SLC8A2: variants seen among roughly 807,000 people sequenced by gnomAD.
SLC8A2 encodes the protein solute carrier family 8 member A2.
SLC8A2 carries 14 observed loss-of-function variants against 70.2 expected under a neutral mutation model. That is an observed-to-expected ratio of 0.20 (90% CI 0.13 to 0.31). SLC8A2 has a LOEUF of 0.31. SLC8A2 is among the 10% of genes least tolerant of loss of function. The pLI is 1.00. For missense variants in SLC8A2, 779 were observed against 1,320.1 expected, an observed-to-expected ratio of 0.59 and a Z score of 6.35; for synonymous variants, 575 against 594.3, an observed-to-expected ratio of 0.97 and a Z score of 0.47.
At position 47,466,461 on chromosome 19, in the gene SLC8A2, CTCTT is replaced by C; in HGVS notation, c.-16-46_-16-43del. ...GGAGGTCTGGGTGAGGGAAGCAAACCTCTTTCTGTCATACAAAGGTCAAAGCTCA... is the reference window on the plus strand; with the variant it reads ...GGAGGTCTGGGTGAGGGAAGCAAACCTCTGTCATACAAAGGTCAAAGCTCA... On this transcript the variant is annotated intron_variant, in intron 1 of 9. Coordinates refer to ENST00000236877, the MANE Select transcript of SLC8A2 (RefSeq NM_015063.3). This position sits in a 1 kb window ranked among gnomAD's most constrained non-coding sequence, Gnocchi z 6.9. The C allele has an allele frequency of 1.5e-6, 1 of 679,486 alleles. No individual in the cohort carries two copies. The highest frequency in any genetic ancestry group is 2.7e-5 in the East Asian group (1 of 36,380). 42.1% of individuals were successfully genotyped at this position (679,486 alleles called of 1,614,324 possible).
rs114764149 is a variant in SLC8A2 at position 47,448,708 on chromosome 19, T to C, written c.1341-477A>G. Among the ~76,000 whole-genome samples, 133 of 152,120 alleles carry C rather than the reference T, an allele frequency of 8.7e-4. No homozygotes were observed. Among genetic ancestry groups the C allele is most frequent in the African/African-American group, 3.2e-3 (131 of 41,466 alleles). On this transcript the variant is annotated intron_variant, in intron 3 of 9. Coordinates refer to ENST00000236877, the MANE Select transcript of SLC8A2 (RefSeq NM_015063.3). The surrounding 1 kb of genome is among the most constrained non-coding windows in gnomAD (Gnocchi z 4.8). Reference sequence around the variant, plus strand: ...AGATTCTGGTTTAGAAGCTCCCGGGTTTCTAGAATCGCATTTCTAACGAGC... The same window carrying C: ...AGATTCTGGTTTAGAAGCTCCCGGGCTTCTAGAATCGCATTTCTAACGAGC...
chr19:47,442,282 C>T (rs1457806334), intron 4 of SLC8A2, among the ~76,000 whole-genome samples: 2 of 152,154 alleles, frequency 1.3e-5, no homozygotes, highest in Admixed American at 1.3e-4. Flanking sequence ...CCTCACCGCC[C>T]ACAGTCTGTT....
intron 8 of SLC8A2, among the ~76,000 whole-genome samples, chr19:47,434,565 G>A (rs190729676): frequency 2.6e-5 from 4 of 152,314 alleles, no homozygotes; most frequent in Admixed American, 2.0e-4. Context: ...CACCTCCAGC[G>A]TTATTACTGT....
At chr19:47,453,569 G>A (rs914169464) in intron 3 of SLC8A2, among the ~76,000 whole-genome samples, 3 of 152,198 alleles carry the variant, frequency 2.0e-5, no homozygotes, top group African/African-American at 7.2e-5. Flanking sequence ...TAGCCCTTTG[G>A]TTCCAGCACT....
chr19:47,457,739 C>T (rs12978188), intron 2 of SLC8A2, 145 bp from the exon 3 acceptor site: 1 of 421,922 alleles, frequency 2.4e-6, no homozygotes, highest in Non-Finnish European at 4.1e-6. Flanking sequence ...CTATCCCTTT[C>T]TGTTTCTTTT....
In SLC8A2 at chr19:47,432,126, C is replaced by T. The variant is rs1599843089; in HGVS notation, c.2389+41G>A. 2.6e-6 allele frequency: 4 copies of T among 1,548,640 alleles called. No homozygotes were observed. The African/African-American group carries it at 5.4e-5, about 21-fold the overall frequency. On this transcript the variant is annotated intron_variant, in intron 9 of 9. Transcript: ENST00000236877. The surrounding 1 kb of genome is among the most constrained non-coding windows in gnomAD (Gnocchi z 6.2). ...GATCCTGTGTTGCCCCTGCCTGGCT[C>T]ATCTGAGATCCTACCCCACCAAAGT...
At position 47,465,436 on chromosome 19, in the gene SLC8A2, A is replaced by G. The variant is rs552018549; in HGVS notation, c.675+293T>C. On this transcript the variant is annotated intron_variant, in intron 2 of 9. Coordinates refer to ENST00000236877, the MANE Select transcript of SLC8A2 (RefSeq NM_015063.3). The surrounding 1 kb of genome is among the most constrained non-coding windows in gnomAD (Gnocchi z 5.5). Reference sequence around the variant, plus strand: ...AAAGGTGCCCCTTCCAAGTGAGTGTACTGTTCTTAAGTGCAAAACAGTGCG... The same window carrying G: ...AAAGGTGCCCCTTCCAAGTGAGTGTGCTGTTCTTAAGTGCAAAACAGTGCG... Among the ~76,000 whole-genome samples, 2 of 152,358 alleles carry G rather than the reference A, an allele frequency of 1.3e-5. No individual in the cohort carries two copies. The highest frequency in any genetic ancestry group is 4.8e-5 in the African/African-American group (2 of 41,586).
In SLC8A2 at chr19:47,430,474, C is replaced by A; in HGVS notation, c.2390-9G>T. Reference sequence around the variant, plus strand: ...CTTGCTGGCGAACGTGTCTGCGAGGCAGAGACATACAGGTCGGAGGGGCTT... The same window carrying A: ...CTTGCTGGCGAACGTGTCTGCGAGGAAGAGACATACAGGTCGGAGGGGCTT... On this transcript the variant is annotated splice_polypyrimidine_tract_variant and intron_variant, in intron 9 of 9. Transcript: ENST00000236877. The surrounding 1 kb of genome is among the most constrained non-coding windows in gnomAD (Gnocchi z 5.9). 1.3e-6 allele frequency: 2 copies of A among 1,588,122 alleles called. No homozygotes were observed. Among genetic ancestry groups the A allele is most frequent in the East Asian group, 2.3e-5 (1 of 44,372 alleles).
rs1472679388 is a variant in SLC8A2 at position 47,447,792 on chromosome 19, G to A, written c.1763+17C>T. The A allele has an allele frequency of 2.5e-6, 4 of 1,570,250 alleles. No homozygotes were observed. Among genetic ancestry groups the A allele is most frequent in the Admixed American group, 1.8e-5 (1 of 55,392 alleles). On this transcript the variant is annotated intron_variant, in intron 4 of 9. Coordinates refer to ENST00000236877, the MANE Select transcript of SLC8A2 (RefSeq NM_015063.3). The surrounding 1 kb of genome is among the most constrained non-coding windows in gnomAD (Gnocchi z 5.1). ...CCGAAGCCCCGCCCCTCTCCGGGCC[G>A]CCTCGGGCGTGCTCACATGGTCTCG...
At chr19:47,451,458 G>A (rs574076460) in intron 3 of SLC8A2, among the ~76,000 whole-genome samples, 1 of 152,056 alleles carries the variant, frequency 6.6e-6, no homozygotes, top group Admixed American at 6.5e-5. Flanking sequence ...ACAGGCTCGT[G>A]CCACCACATC....
intron 1 of SLC8A2, among the ~76,000 whole-genome samples, chr19:47,469,656 C>T (rs1398834944): frequency 6.6e-6 from 1 of 152,196 alleles, no homozygotes; most frequent in Non-Finnish European, 1.5e-5. Flanking sequence ...AAATGAATGA[C>T]CAAGAGGTCT....
Position 47,432,429 on chromosome 19 carries a change from C to A in SLC8A2, c.2127G>T (p.Glu709Asp). Residue 709 changes from glutamate to aspartate, a missense_variant, in exon 9 of 10, where the codon GAG becomes GAT. Around this residue, in one of 6 missense-constraint regions of SLC8A2, gnomAD observed 247 missense variants for 362.8 expected, o/e 0.68. Coordinates refer to ENST00000236877, the MANE Select transcript of SLC8A2 (RefSeq NM_015063.3). This position sits in a 1 kb window ranked among gnomAD's most constrained non-coding sequence, Gnocchi z 6.2. ...ITVSAGDEEE[E>D]EDGSREERLP... is the part of the protein sequence containing the mutation. ...GCCGCTCCTCCCGGGACCCGTCCTCCTCCTCCTCCTCGTCCCCTGTGGGCA... is the reference window on the plus strand; with the variant it reads ...GCCGCTCCTCCCGGGACCCGTCCTCATCCTCCTCCTCGTCCCCTGTGGGCA... 6.3e-7 allele frequency: 1 copy of A among 1,597,576 alleles called. No individual in the cohort carries two copies. The highest frequency in any genetic ancestry group is 8.5e-7 in the Non-Finnish European group (1 of 1,171,232).
chr19:47,430,070 CG>C lies in SLC8A2; in HGVS notation c.*18del, dbSNP rs1343269024. 1.3e-6 allele frequency: 2 copies of C among 1,567,308 alleles called. No homozygotes were observed. The highest frequency in any genetic ancestry group is 1.4e-5 in the African/African-American group (1 of 73,748). On this transcript the variant is annotated 3_prime_UTR_variant, in exon 10 of 10. Coordinates refer to ENST00000236877, the MANE Select transcript of SLC8A2 (RefSeq NM_015063.3). The surrounding 1 kb of genome is among the most constrained non-coding windows in gnomAD (Gnocchi z 5.9). ...CCTAGCCCCGGGCGGGCGGTGGGGA[CG>C]AGTCTCTGCGCGAGGCCCTAGAAGC...
chr19:47,447,768 C>A lies in SLC8A2; in HGVS notation c.1763+41G>T. 6.5e-7 allele frequency: 1 copy of A among 1,529,118 alleles called. No individual in the cohort carries two copies. Among genetic ancestry groups the A allele is most frequent in the East Asian group, 2.5e-5 (1 of 40,330 alleles). 94.7% of individuals were successfully genotyped at this position (1,529,118 alleles called of 1,614,324 possible). A position where few individuals can be genotyped will look rare whatever the true frequency, so the allele number is the denominator to read the frequency against. On this transcript the variant is annotated intron_variant, in intron 4 of 9. Transcript: ENST00000236877. This position sits in a 1 kb window ranked among gnomAD's most constrained non-coding sequence, Gnocchi z 5.1. ...GAGCCACATCAGGCCTCGCCCATTC[C>A]GAAGCCCCGCCCCTCTCCGGGCCGC...
intron 2 of SLC8A2, among the ~76,000 whole-genome samples, chr19:47,463,691 AAAAG>A (rs921215217): frequency 6.6e-6 from 1 of 151,718 alleles, no homozygotes; most frequent in South Asian, 2.1e-4. Context: ...AAAAAAAAAA[AAAAG>A]AAAGAAATAG....
rs1967501077 is a variant in SLC8A2 at position 47,469,128 on chromosome 19, G to GTT, written c.-17+2660_-17+2661insAA. 2.7e-5 allele frequency among the ~76,000 whole-genome samples: 4 copies of GTT among 150,682 alleles called. No homozygotes were observed. The South Asian group carries it at 8.4e-4, about 32-fold the overall frequency. On this transcript the variant is annotated intron_variant, in intron 1 of 9. Transcript: ENST00000236877. ...GGAGCATGCCTGTGTGCGTGTGTGT[G>GTT]TGTGTGTGTGTGTGTGTGTGTGTGT...
intron 4 of SLC8A2, among the ~76,000 whole-genome samples, chr19:47,445,824 C>G (rs956783967): frequency 6.6e-6 from 1 of 152,170 alleles, no homozygotes; most frequent in African/African-American, 2.4e-5. Context: ...AAAGAAAACT[C>G]TCCATTCCCC....
rs538407406 is a variant in SLC8A2, at chr19:47,456,913, C to CA, written c.1340+16dup. The CA allele has an allele frequency of 5.5e-4, 869 of 1,572,074 alleles. 13 individuals are homozygous for CA. In the South Asian group the frequency reaches 6.3e-3, roughly 11 times the overall value. ...CTGCGCCAGCCCCCTGCACACCCCCCACCCCGGGGGACCCACCTGTACTCG... is the reference window on the plus strand; with the variant it reads ...CTGCGCCAGCCCCCTGCACACCCCCCAACCCCGGGGGACCCACCTGTACTCG... On this transcript the variant is annotated intron_variant, in intron 3 of 9. Coordinates refer to ENST00000236877, the MANE Select transcript of SLC8A2 (RefSeq NM_015063.3).
intron 4 of SLC8A2, among the ~76,000 whole-genome samples, chr19:47,443,566 C>T (rs1425645527): frequency 6.6e-6 from 1 of 152,220 alleles, no homozygotes; most frequent in Non-Finnish European, 1.5e-5. Context: ...ACTGCAGTGG[C>T]AAGACTGCAT....
Sources: allele counts gnomAD v4.1 joint callset (sites outside exome capture counted in the v4.1 genomes callset), GRCh38; gene constraint gnomAD v4.1.1; regional missense constraint gnomAD v4.1.1; non-coding constraint Gnocchi (gnomAD v3.1); transcripts MANE v1.5; gene names NCBI Gene and HGNC (gene_info 2026-07-23, HGNC 2026-07-21).